BMERB1: variants seen among roughly 807,000 people sequenced by gnomAD.
BMERB1 encodes the protein bMERB domain containing 1.
In BMERB1, 12 loss-of-function variants were observed where a neutral mutation model predicts 23.6. That is an observed-to-expected ratio of 0.51 (90% CI 0.33 to 0.82). The LOEUF is 0.82. Among genes scored for constraint, BMERB1 ranks in the 40% least tolerant of loss-of-function variants. The pLI is 0.03. For missense variants in BMERB1, 247 were observed against 255.4 expected (o/e 0.97, Z 0.22); for synonymous variants, 122 against 96.6 (o/e 1.26, Z -1.54).
chr16:15,483,134 C>A (rs1279673723), intron 1 of BMERB1, among the ~76,000 whole-genome samples: 1 of 152,184 alleles, frequency 6.6e-6, no homozygotes, highest in Non-Finnish European at 1.5e-5. Flanking sequence ...GATCCTAGTC[C>A]CAAATCATCA....
chr16:15,497,959 GT>G (rs1258883320), intron 1 of BMERB1, among the ~76,000 whole-genome samples: 1 of 152,166 alleles, frequency 6.6e-6, no homozygotes, highest in Non-Finnish European at 1.5e-5. Flanking sequence ...TTTAATGTGA[GT>G]GATAATAGCT....
intron 5 of BMERB1, among the ~76,000 whole-genome samples, chr16:15,586,324 C>T (rs1237032682): frequency 6.6e-6 from 1 of 152,124 alleles, no homozygotes; most frequent in South Asian, 2.1e-4. Context: ...AATGTATGAG[C>T]ATTTTCAAAA....
At chr16:15,569,084 C>T (rs1015216727) in intron 3 of BMERB1, among the ~76,000 whole-genome samples, 9 of 151,952 alleles carry the variant, frequency 5.9e-5, no homozygotes, top group African/African-American at 1.7e-4. Context: ...GGGGTGGTGG[C>T]GGGTGCCTGT....
At chr16:15,565,255 C>A (rs985393449) in intron 2 of BMERB1, among the ~76,000 whole-genome samples, 3 of 152,100 alleles carry the variant, frequency 2.0e-5, no homozygotes, top group African/African-American at 7.2e-5. Context: ...GGTCCTGCCC[C>A]CATGAGCTGT....
intron 5 of BMERB1, among the ~76,000 whole-genome samples, chr16:15,585,711 T>C (rs1328224911): frequency 6.6e-6 from 1 of 152,032 alleles, no homozygotes; most frequent in Non-Finnish European, 1.5e-5. Context: ...ACACCTGTAA[T>C]CCCAGCTACT....
At chr16:15,470,433 T>C (rs1481967357) in intron 1 of BMERB1, among the ~76,000 whole-genome samples, 1 of 152,164 alleles carries the variant, frequency 6.6e-6, no homozygotes, top group Non-Finnish European at 1.5e-5. Context: ...TATTGGTCTG[T>C]AGTTTTCCTT....
At chr16:15,458,596 A>G (rs2051107362) in intron 1 of BMERB1, among the ~76,000 whole-genome samples, 1 of 151,872 alleles carries the variant, frequency 6.6e-6, no homozygotes. Flanking sequence ...GCACACCTGT[A>G]GTTCCAGCTA....
At chr16:15,473,460 T>G (rs1477811873) in intron 1 of BMERB1, among the ~76,000 whole-genome samples, 1 of 151,548 alleles carries the variant, frequency 6.6e-6, no homozygotes, top group Non-Finnish European at 1.5e-5. Context: ...GCCCAGCTAA[T>G]TTTTGTATTT....
intron 1 of BMERB1, among the ~76,000 whole-genome samples, 168 bp downstream of exon 1, chr16:15,434,927 C>T (rs11645609): frequency 0.14 from 20,964 of 152,278 alleles, 1,856 homozygotes; most frequent in Middle Eastern, 0.23. Flanking sequence ...GACGCGCTCT[C>T]CCCGCGAACA....
At position 15,586,867 on chromosome 16, in the gene BMERB1, C is replaced by A. The variant is rs774212028; in HGVS notation, c.*38C>A. 4.5e-6 allele frequency: 6 copies of A among 1,341,454 alleles called. No homozygotes were observed. The highest frequency in any genetic ancestry group is 2.2e-5 in the Admixed American group (1 of 45,960). The allele number at this position is 1,341,454 out of a possible 1,614,324, so 83.1% of individuals were successfully genotyped here. On this transcript the variant is annotated 3_prime_UTR_variant, in exon 6 of 6. Coordinates refer to ENST00000300006, the MANE Select transcript of BMERB1 (RefSeq NM_033201.3). ...GTGCCCTGGGCCATGGGGACCCCCC[C>A]CCACCCTCTTGTCTTTATAGCCCCC...
intron 1 of BMERB1, among the ~76,000 whole-genome samples, chr16:15,449,502 A>G (rs1316116045): frequency 6.6e-6 from 1 of 151,488 alleles, no homozygotes; most frequent in Non-Finnish European, 1.5e-5. Flanking sequence ...CTGCACATGT[A>G]CCTCCTTAGT....
chr16:15,500,836 G>C (rs2051520192), intron 1 of BMERB1, among the ~76,000 whole-genome samples: 1 of 152,144 alleles, frequency 6.6e-6, no homozygotes, highest in Non-Finnish European at 1.5e-5. Flanking sequence ...ATTTTTAGTA[G>C]AGATGGGGTT....
At chr16:15,518,966 A>G (rs1481657996) in intron 2 of BMERB1, among the ~76,000 whole-genome samples, 1 of 152,044 alleles carries the variant, frequency 6.6e-6, no homozygotes, top group Non-Finnish European at 1.5e-5. Flanking sequence ...TTTCCTCACA[A>G]CGTCTTCCCA....
At chr16:15,515,517 G>T (rs1218305438) in intron 2 of BMERB1, 89 bp downstream of exon 2, 5 of 1,489,860 alleles carry the variant, frequency 3.4e-6, no homozygotes, top group Non-Finnish European at 4.5e-6. Context: ...TGTGTGCCAG[G>T]CACTGAGATA....
At chr16:15,586,066 AT>A (rs1017655631) in intron 5 of BMERB1, among the ~76,000 whole-genome samples, 1 of 151,930 alleles carries the variant, frequency 6.6e-6, no homozygotes. Context: ...GCCTTCTGAA[AT>A]TTTTTTTTAT....
chr16:15,479,854 G>T (rs1461344680), intron 1 of BMERB1, among the ~76,000 whole-genome samples: 1 of 151,710 alleles, frequency 6.6e-6, no homozygotes, highest in Non-Finnish European at 1.5e-5. Flanking sequence ...GCTGAGGTGG[G>T]AGGATCACTT....
intron 2 of BMERB1, among the ~76,000 whole-genome samples, chr16:15,555,551 TG>T (rs2030229716): frequency 6.6e-6 from 1 of 152,270 alleles, no homozygotes; most frequent in Admixed American, 6.5e-5. Flanking sequence ...GACATTTGTT[TG>T]GGAACGAGTG....
chr16:15,445,969 T>C (rs1022280343), intron 1 of BMERB1, among the ~76,000 whole-genome samples: 4 of 152,110 alleles, frequency 2.6e-5, no homozygotes, highest in Non-Finnish European at 5.9e-5. Flanking sequence ...ATCATCATGC[T>C]GAGTGAAAGA....
chr16:15,543,912 TA>T (rs1009341628), intron 2 of BMERB1, among the ~76,000 whole-genome samples: 1 of 152,212 alleles, frequency 6.6e-6, no homozygotes, highest in Non-Finnish European at 1.5e-5. Flanking sequence ...GAAAATTAAC[TA>T]AAAATTGGAA....
Sources: gnomAD v4.1 joint callset for allele counts (sites outside exome capture counted in the v4.1 genomes callset) on GRCh38, gnomAD v4.1.1 for gene constraint, MANE v1.5 for transcripts, NCBI Gene and HGNC (gene_info 2026-07-23, HGNC 2026-07-21) for gene names.